The following GDF6 variants were observed in gnomAD, a reference collection of about 807,000 sequenced individuals.
GDF6 encodes the protein growth differentiation factor 6.
A neutral mutation model predicts 32.4 loss-of-function variants in GDF6; 3 were observed. The observed-to-expected ratio is 0.09, with a 90% confidence interval of 0.04 to 0.24. The LOEUF is 0.24. Ranked by LOEUF, GDF6 falls within the 10% of genes least tolerant of loss-of-function variation. The probability of loss-of-function intolerance (pLI) is 1.00; values close to 1 mark genes in which losing one functional copy is unlikely to be tolerated. For missense variants in GDF6, 589 were observed against 637.9 expected (o/e 0.92, Z 0.83); for synonymous variants, 296 against 295.3 (o/e 1.00, Z -0.03).
intron 1 of GDF6, among the ~76,000 whole-genome samples, chr8:96,147,717 G>A (rs1812507418): frequency 6.6e-6 from 1 of 152,210 alleles, no homozygotes; most frequent in South Asian, 2.1e-4. Context: ...GGAGCATTTA[G>A]CCCCTAAACC....
rs1554571161 is a variant in GDF6 at position 96,144,291 on chromosome 8, A to AGAGAGAGAGAGAG, written c.*271_*272insCTCTCTCTCTCTC. 3.1e-4 allele frequency: 153 copies of AGAGAGAGAGAGAG among 487,910 alleles called. 1 individual carries two copies. The highest frequency in any genetic ancestry group is 2.0e-3 in the African/African-American group (81 of 41,400). The allele number at this position is 487,910 out of a possible 1,614,324, so 30.2% of individuals were successfully genotyped here. On this transcript the variant is annotated 3_prime_UTR_variant, in exon 2 of 2. Transcript: ENST00000287020. The surrounding 1 kb of genome is among the most constrained non-coding windows in gnomAD (Gnocchi z 5.1). The stretch of plus-strand genomic sequence containing the variant: ...GAGAGAGAGAGAGAGAGAGAGAGAG[A>AGAGAGAGAGAGAG]AAACAGAACAAAAGAAATCCTCCTT...
chr8:96,147,551 C>T (rs1812506144), intron 1 of GDF6, among the ~76,000 whole-genome samples: 1 of 152,216 alleles, frequency 6.6e-6, no homozygotes, highest in African/African-American at 2.4e-5. Context: ...TCTATATCCA[C>T]CTGCACAGAA....
At position 96,145,559 on chromosome 8, in the gene GDF6, T is replaced by A. The variant is rs768313069; in HGVS notation, c.407-35A>T. The A allele has an allele frequency of 1.9e-6, 3 of 1,597,150 alleles. No homozygotes were observed. Among genetic ancestry groups the A allele is most frequent in the Middle Eastern group, 3.3e-4 (2 of 6,046 alleles). On this transcript the variant is annotated intron_variant, in intron 1 of 1. Transcript: ENST00000287020. This position sits in a 1 kb window ranked among gnomAD's most constrained non-coding sequence, Gnocchi z 5.6. ...AAAAAATAATTACAGTCAGTTTCAC[T>A]TAAGGGGGAGATCAGCCCGGTGCTC...
chr8:96,149,132 A>G (rs1812529349), intron 1 of GDF6, among the ~76,000 whole-genome samples: 1 of 152,196 alleles, frequency 6.6e-6, no homozygotes, highest in South Asian at 2.1e-4. Context: ...TCTTGTATAA[A>G]TGAAGACTGA....
intron 1 of GDF6, among the ~76,000 whole-genome samples, chr8:96,154,240 C>G (rs1330053257): frequency 2.0e-5 from 3 of 152,134 alleles, no homozygotes; most frequent in Non-Finnish European, 4.4e-5. Context: ...CTAAACCATG[C>G]CCCGCCCCCA....
intron 1 of GDF6, among the ~76,000 whole-genome samples, chr8:96,157,566 C>T (rs1423338411): frequency 6.6e-6 from 1 of 152,138 alleles, no homozygotes; most frequent in Non-Finnish European, 1.5e-5. Flanking sequence ...AGGCAAGGCG[C>T]CAAGTTAGCG....
At chr8:96,148,497 C>T (rs1329757190) in intron 1 of GDF6, among the ~76,000 whole-genome samples, 1 of 152,248 alleles carries the variant, frequency 6.6e-6, no homozygotes, top group Admixed American at 6.5e-5. Context: ...CACATAGGCG[C>T]TTGCTAGAAA....
In GDF6 at chr8:96,160,667, G is replaced by A; in HGVS notation, c.26C>T (p.Ser9Leu). 6 of 1,613,618 alleles carry A rather than the reference G, an allele frequency of 3.7e-6. No homozygotes were observed. Among genetic ancestry groups the A allele is most frequent in the Non-Finnish European group, 5.1e-6 (6 of 1,179,630 alleles). Reference sequence around the variant, plus strand: ...CAGAAAACTGATGAGGAAGACGGCCGAGAGCAGGACCCTGGGAGTATCCAT... The same window carrying A: ...CAGAAAACTGATGAGGAAGACGGCCAAGAGCAGGACCCTGGGAGTATCCAT... The part of the protein sequence containing the change: MDTPRVLL[S>L]AVFLISFLWD... Residue 9 changes from serine (S) to leucine (L), a missense_variant, in exon 1 of 2, where the codon TCG becomes TTG. By Grantham distance (145) the Ser-to-Leu change is moderately radical (BLOSUM62 -2). Coordinates refer to ENST00000287020, the MANE Select transcript of GDF6 (RefSeq NM_001001557.4).
At chr8:96,154,943 G>C (rs184648219) in intron 1 of GDF6, among the ~76,000 whole-genome samples, 1 of 152,184 alleles carries the variant, frequency 6.6e-6, no homozygotes, top group Non-Finnish European at 1.5e-5. Flanking sequence ...AGTGCCCTGC[G>C]TTCCCCGCGG....
In GDF6 at chr8:96,144,888, T is replaced by C; in HGVS notation, c.1043A>G (p.Lys348Arg). The change falls in exon 2 of 2, where the codon AAG (lysine) becomes AGG (arginine). Residue 348 changes from lysine to arginine, a missense_variant. Lys to Arg is a conservative substitution (Grantham distance 26, BLOSUM62 2). Transcript: ENST00000287020. This position sits in a 1 kb window ranked among gnomAD's most constrained non-coding sequence, Gnocchi z 5.1. ...FASRHGKRHG[K>R]KSRLRCSKKP... ...CTTGCTGCAGCGTAGCCTGGACTTC[T>C]TGCCGTGCCGCTTGCCATGGCGACT... is the stretch of plus-strand genomic sequence containing the variant. 6.2e-7 allele frequency: 1 copy of C among 1,613,412 alleles called. No individual in the cohort carries two copies. Among genetic ancestry groups the C allele is most frequent in the Non-Finnish European group, 8.5e-7 (1 of 1,179,768 alleles).
intron 1 of GDF6, among the ~76,000 whole-genome samples, chr8:96,155,989 A>T (rs1208196481): frequency 6.6e-6 from 1 of 152,180 alleles, no homozygotes; most frequent in East Asian, 1.9e-4. Flanking sequence ...CCCTCCCCGC[A>T]GCCGGGCTAT....
Position 96,145,652 on chromosome 8 carries a change from G to A in GDF6, c.407-128C>T. The A allele has an allele frequency of 8.9e-7, 1 of 1,126,338 alleles. No homozygotes were observed. Among genetic ancestry groups the A allele is most frequent in the Non-Finnish European group, 1.3e-6 (1 of 778,094 alleles). 69.8% of individuals were successfully genotyped at this position (1,126,338 alleles called of 1,614,324 possible). ...TCGGCCGGGCAGTCCAGCTTGCCCG[G>A]CCCAGGGCCTGACCACCCCGGCTCC... On this transcript the variant is annotated intron_variant, in intron 1 of 1. Coordinates refer to ENST00000287020, the MANE Select transcript of GDF6 (RefSeq NM_001001557.4). The surrounding 1 kb of genome is among the most constrained non-coding windows in gnomAD (Gnocchi z 5.6).
chr8:96,146,290 A>T (rs1812484457), intron 1 of GDF6, among the ~76,000 whole-genome samples: 1 of 151,568 alleles, frequency 6.6e-6, no homozygotes, highest in South Asian at 2.1e-4. Flanking sequence ...AGCCTATTGA[A>T]TCACTGTCTA....
At chr8:96,151,101 C>A (rs1812561052) in intron 1 of GDF6, among the ~76,000 whole-genome samples, 1 of 152,192 alleles carries the variant, frequency 6.6e-6, no homozygotes, top group Non-Finnish European at 1.5e-5. Flanking sequence ...TCTTGGGCCT[C>A]CCCCTGAGGA....
chr8:96,160,767 CA>C lies in GDF6; in HGVS notation c.-76del. ...ACGCGCGGGGCACGGAGCGGCTGGA[CA>C]GCGGCCGGGGCCCGGCTCCTCGGGC... On this transcript the variant is annotated 5_prime_UTR_variant, in exon 1 of 2. Coordinates refer to ENST00000287020, the MANE Select transcript of GDF6 (RefSeq NM_001001557.4). 6.7e-7 allele frequency: 1 copy of C among 1,493,500 alleles called. No individual in the cohort carries two copies. 92.5% of individuals were successfully genotyped at this position (1,493,500 alleles called of 1,614,324 possible). A position where few individuals can be genotyped will look rare whatever the true frequency, so the allele number is the denominator to read the frequency against.
chr8:96,145,113 T>A lies in GDF6; in HGVS notation c.818A>T (p.Gln273Leu). The A allele has an allele frequency of 6.6e-7, 1 of 1,525,024 alleles. No individual in the cohort carries two copies. Among genetic ancestry groups the A allele is most frequent in the African/African-American group, 1.4e-5 (1 of 69,952 alleles). 94.5% of individuals were successfully genotyped at this position (1,525,024 alleles called of 1,614,324 possible). A position where few individuals can be genotyped will look rare whatever the true frequency, so the allele number is the denominator to read the frequency against. Residue 273 changes from glutamine to leucine, a missense_variant, in exon 2 of 2, where the codon CAG becomes CTG. Coordinates refer to ENST00000287020, the MANE Select transcript of GDF6 (RefSeq NM_001001557.4). The surrounding 1 kb of genome is among the most constrained non-coding windows in gnomAD (Gnocchi z 5.6). ...GAATACCACCAGCAGGGCCCGCTCC[T>A]GGGGAGGCCGCACCCTCCGGCCGAA... ...LGFGRRVRPPQERALLVVFTR... is the reference protein window; with the variant it reads ...LGFGRRVRPPLERALLVVFTR...
Position 96,145,531 on chromosome 8 carries a change from G to A in GDF6, c.407-7C>T, listed in dbSNP as rs1586118974. On this transcript the variant is annotated splice_region_variant and splice_polypyrimidine_tract_variant and intron_variant, in intron 1 of 1. Coordinates refer to ENST00000287020, the MANE Select transcript of GDF6 (RefSeq NM_001001557.4). This position sits in a 1 kb window ranked among gnomAD's most constrained non-coding sequence, Gnocchi z 5.6. The stretch of plus-strand genomic sequence containing the variant: ...GGAGTGTGCGAGAGATCGTCTGCGA[G>A]ATAAAAAATAATTACAGTCAGTTTC... 9.4e-6 allele frequency: 15 copies of A among 1,597,760 alleles called. No homozygotes were observed. The highest frequency in any genetic ancestry group is 1.2e-5 in the Non-Finnish European group (14 of 1,179,604).
chr8:96,153,015 C>G (rs1812594998), intron 1 of GDF6, among the ~76,000 whole-genome samples: 1 of 152,208 alleles, frequency 6.6e-6, no homozygotes, highest in Non-Finnish European at 1.5e-5. Flanking sequence ...ATCCTCGAAT[C>G]CCACCCAACT....
chr8:96,157,504 C>A (rs1812688580), intron 1 of GDF6, among the ~76,000 whole-genome samples: 1 of 152,082 alleles, frequency 6.6e-6, no homozygotes, highest in South Asian at 2.1e-4. Flanking sequence ...GGGGGACCCC[C>A]GGCTCCACCG....
Sources: gnomAD v4.1 joint callset for allele counts (sites outside exome capture counted in the v4.1 genomes callset) on GRCh38, gnomAD v4.1.1 for gene constraint, Gnocchi (gnomAD v3.1) non-coding constraint, MANE v1.5 for transcripts, NCBI Gene and HGNC (gene_info 2026-07-23, HGNC 2026-07-21) for gene names.